The following ATRX variants were observed in gnomAD, a reference collection of about 807,000 sequenced individuals.
ATRX encodes the protein ATRX chromatin remodeler.
A neutral mutation model predicts 172.6 loss-of-function variants in ATRX; 12 were observed. The ratio of observed to expected loss-of-function variants is 0.07; its 90% CI spans 0.04 to 0.11. The LOEUF is 0.11. Among genes scored for constraint, ATRX ranks in the 10% least tolerant of loss-of-function variants. The pLI is 1.00. For synonymous variants in ATRX, 674 were observed against 594.7 expected (o/e 1.13, Z -1.94); for missense variants, 1,368 against 1,767.4 (o/e 0.77, Z 4.05).
chrX:77,532,083 T>A (rs1306332646), intron 30 of ATRX, among the ~76,000 whole-genome samples: 1 of 111,018 alleles, frequency 9.0e-6, no homozygotes, highest in East Asian at 2.8e-4. Context: ...AAGGGGGAAG[T>A]GAAGGACCTC....
intron 22 of ATRX, among the ~76,000 whole-genome samples, chrX:77,601,164 A>G (rs1192175342): frequency 9.0e-6 from 1 of 111,188 alleles, no homozygotes; most frequent in African/African-American, 3.3e-5. Flanking sequence ...AACTATGCTC[A>G]CTCAAAAAAA....
chrX:77,663,659 C>A, intron 11 of ATRX, 101 bp from the exon 12 acceptor site: 2 of 653,093 alleles, frequency 3.1e-6, no homozygotes, highest in Non-Finnish European at 4.7e-6. Flanking sequence ...TGAAAAAAAT[C>A]AGAGTTAGAC....
At chrX:77,575,775 A>G (rs782776778) in intron 27 of ATRX, 1 of 111,883 alleles carries the variant, frequency 8.9e-6, no homozygotes, top group Admixed American at 9.5e-5. Context: ...AGATAATCAG[A>G]GTACCTATTG....
intron 30 of ATRX, among the ~76,000 whole-genome samples, chrX:77,538,955 C>T (rs142861991): frequency 0.11 from 11,806 of 102,794 alleles, 956 homozygotes; most frequent in African/African-American, 0.28. Context: ...AGTGCAGTGG[C>T]GCAATCGCAG....
At chrX:77,630,612 A>T (rs1236970317) in intron 19 of ATRX, among the ~76,000 whole-genome samples, 1 of 112,272 alleles carries the variant, frequency 8.9e-6, no homozygotes, top group African/African-American at 3.2e-5. Context: ...ATTTTCAACA[A>T]TGGTGTCAAG....
chrX:77,616,605 T>C lies in ATRX; in HGVS notation c.5566+8A>G, dbSNP rs782734651. The C allele has an allele frequency of 5.2e-6, 6 of 1,164,034 alleles. No homozygotes were observed. The highest frequency in any genetic ancestry group is 3.6e-5 in the South Asian group (2 of 55,991). On this transcript the variant is annotated splice_region_variant and intron_variant, in intron 22 of 34. Transcript: ENST00000373344. The stretch of plus-strand genomic sequence containing the variant: ...GAGAAGATGAAATCAACAAGGTGTA[T>C]TGTTTACCTGTTAAGTGATCTAAGT...
At chrX:77,773,371 T>C (rs1424817402) in intron 1 of ATRX, among the ~76,000 whole-genome samples, 1 of 110,425 alleles carries the variant, frequency 9.1e-6, no homozygotes, top group African/African-American at 3.3e-5. Flanking sequence ...GTGGGAAAAC[T>C]CTCCCCAATT....
At chrX:77,549,906 T>C (rs1285621687) in intron 30 of ATRX, among the ~76,000 whole-genome samples, 3 of 111,719 alleles carry the variant, frequency 2.7e-5, no homozygotes, top group Non-Finnish European at 5.6e-5. Flanking sequence ...GATCACATGA[T>C]GCCAGGAGTT....
chrX:77,628,934 G>A, intron 19 of ATRX, among the ~76,000 whole-genome samples: 1 of 112,136 alleles, frequency 8.9e-6, no homozygotes, highest in Middle Eastern at 4.6e-3. Context: ...AAGCTACTAA[G>A]GCTTGGGATA....
chrX:77,573,531 T>A (rs1315100182), intron 28 of ATRX, among the ~76,000 whole-genome samples: 1 of 112,048 alleles, frequency 8.9e-6, no homozygotes, highest in Middle Eastern at 4.2e-3. Flanking sequence ...GTTAATGATA[T>A]TAAAATGGTC....
At chrX:77,638,977 T>C (rs1337168309) in intron 15 of ATRX, among the ~76,000 whole-genome samples, 1 of 112,365 alleles carries the variant, frequency 8.9e-6, no homozygotes, top group Non-Finnish European at 1.9e-5. Flanking sequence ...TATTACTGTG[T>C]CCTAGCCTGG....
chrX:77,527,179 C>T (rs1401633986), intron 30 of ATRX, among the ~76,000 whole-genome samples: 1 of 112,163 alleles, frequency 8.9e-6, no homozygotes, highest in Admixed American at 9.4e-5. Context: ...CACACACACA[C>T]CTTTGCATAA....
At chrX:77,550,077 A>C (rs897085282) in intron 30 of ATRX, among the ~76,000 whole-genome samples, 16 of 112,707 alleles carry the variant, frequency 1.4e-4, no homozygotes, top group African/African-American at 4.5e-4. Context: ...GATATAAATT[A>C]AAGCTCGAAT....
intron 6 of ATRX, among the ~76,000 whole-genome samples, chrX:77,690,342 AC>A (rs1351261396): frequency 8.9e-6 from 1 of 112,688 alleles, no homozygotes; most frequent in African/African-American, 3.2e-5. Context: ...TGCTGGGATT[AC>A]AGGTGTGAGC....
In ATRX at chrX:77,618,794, A is replaced by T; in HGVS notation, c.5448+12T>A. ...AGTAAGAATATTTTATTACTATGGAACATATTTGTACCTGAACACATCCAG... is the reference window on the plus strand; with the variant it reads ...AGTAAGAATATTTTATTACTATGGATCATATTTGTACCTGAACACATCCAG... On this transcript the variant is annotated intron_variant, in intron 21 of 34. Coordinates refer to ENST00000373344, the MANE Select transcript of ATRX (RefSeq NM_000489.6). 8.4e-7 allele frequency: 1 copy of T among 1,194,343 alleles called. No homozygotes were observed. Among genetic ancestry groups the T allele is most frequent in the South Asian group, 1.8e-5 (1 of 56,369 alleles).
chrX:77,622,870 G>A (rs1557100862), intron 19 of ATRX, among the ~76,000 whole-genome samples: 1 of 110,288 alleles, frequency 9.1e-6, no homozygotes, highest in African/African-American at 3.3e-5. Flanking sequence ...ATACAATAAT[G>A]ACACAGCCTA....
At chrX:77,763,160 T>C (rs2075782120) in intron 1 of ATRX, among the ~76,000 whole-genome samples, 1 of 109,390 alleles carries the variant, frequency 9.1e-6, no homozygotes, top group Non-Finnish European at 1.9e-5. Context: ...TTTGTTTTTT[T>C]TGGGATGGAG....
At chrX:77,667,295 ATGTGTGTGTGTGTGTGTGTGTGTG>A (rs782297684) in intron 10 of ATRX, among the ~76,000 whole-genome samples, 3 of 89,055 alleles carry the variant, frequency 3.4e-5, no homozygotes, top group Admixed American at 2.6e-4. Flanking sequence ...ACGAATAAAT[ATGTGTGTGTGTGTGTGTGTGTGTG>A]TGTGTGTGTG....
At chrX:77,726,484 GA>G (rs1413084794) in intron 1 of ATRX, among the ~76,000 whole-genome samples, 2 of 77,527 alleles carry the variant, frequency 2.6e-5, no homozygotes, top group Non-Finnish European at 4.8e-5. Flanking sequence ...GGGGTGGGGG[GA>G]GGGGGGAGGG....
Sources: gnomAD v4.1 joint callset for allele counts (sites outside exome capture counted in the v4.1 genomes callset) on GRCh38, gnomAD v4.1.1 for gene constraint, MANE v1.5 for transcripts, NCBI Gene and HGNC (gene_info 2026-07-23, HGNC 2026-07-21) for gene names.